Variants in CSMD1 observed in about 807,000 individuals in gnomAD.
CSMD1 encodes CUB and sushi domain-containing protein 1.
In CSMD1, 213 loss-of-function variants were observed where a neutral mutation model predicts 417.5. The observed-to-expected ratio is 0.51, with a 90% confidence interval of 0.46 to 0.57. The LOEUF is 0.57. Among genes scored for constraint, CSMD1 ranks in the 20% least tolerant of loss-of-function variants. The pLI is 0.00. For missense variants in CSMD1, 6,923 were observed against 4,529.7 expected (o/e 1.53, Z -15.17); for synonymous variants, 2,862 against 1,736.8 (o/e 1.65, Z -16.11).
At chr8:3,703,900 C>T (rs1252203084) in intron 7 of CSMD1, among the ~76,000 whole-genome samples, 1 of 152,062 alleles carries the variant, frequency 6.6e-6, no homozygotes, top group African/African-American at 2.4e-5. Context: ...GAAACCCCAT[C>T]TCTACTGAAA....
At chr8:3,248,344 A>G (rs759960555) in intron 26 of CSMD1, among the ~76,000 whole-genome samples, 20 of 151,996 alleles carry the variant, frequency 1.3e-4, no homozygotes, top group Non-Finnish European at 2.5e-4. Context: ...ACCCATGTTT[A>G]CTCTTAAAAT....
At position 4,200,104 on chromosome 8, in the gene CSMD1, G is replaced by C. The variant is rs190291608; in HGVS notation, c.416-168005C>G. ...TATATTTTTATGTAATAAGTTATTT[G>C]AGATTATAACAACTGAATGAGATTT... On this transcript the variant is annotated intron_variant, in intron 3 of 69. Coordinates refer to ENST00000635120, the MANE Select transcript of CSMD1 (RefSeq NM_033225.6). Among the ~76,000 whole-genome samples, 11 of 152,218 alleles carry C rather than the reference G, an allele frequency of 7.2e-5. No homozygotes were observed. The East Asian group carries it at 1.7e-3, about 24-fold the overall frequency.
chr8:4,025,575 G>C (rs913481045), intron 4 of CSMD1, among the ~76,000 whole-genome samples: 2 of 152,156 alleles, frequency 1.3e-5, no homozygotes, highest in Non-Finnish European at 2.9e-5. Context: ...CATCATGCCT[G>C]TAAGAAGTGA....
At chr8:4,104,550 G>C (rs903465099) in intron 3 of CSMD1, among the ~76,000 whole-genome samples, 6 of 149,592 alleles carry the variant, frequency 4.0e-5, no homozygotes, top group Admixed American at 3.3e-4. Context: ...ACTTTTCAAA[G>C]CCACTTTTCT....
chr8:4,484,688 C>G (rs1423401907), intron 2 of CSMD1, among the ~76,000 whole-genome samples: 1 of 148,212 alleles, frequency 6.7e-6, no homozygotes, highest in Non-Finnish European at 1.5e-5. Context: ...GAGGAAAAGT[C>G]ACCGGGCACG....
chr8:4,708,298 C>T (rs867920398), intron 1 of CSMD1, among the ~76,000 whole-genome samples: 6 of 152,154 alleles, frequency 3.9e-5, no homozygotes, highest in African/African-American at 1.4e-4. Context: ...TTGTCATTTA[C>T]ATAGACATGC....
chr8:3,343,299 T>C lies in CSMD1; in HGVS notation c.3626A>G (p.Tyr1209Cys), dbSNP rs1807780990. The change falls in exon 23 of 70, where the codon TAT (tyrosine) becomes TGT (cysteine). Residue 1209 changes from tyrosine to cysteine, a missense_variant. Coordinates refer to ENST00000635120, the MANE Select transcript of CSMD1 (RefSeq NM_033225.6). The stretch of plus-strand genomic sequence containing the variant: ...TTAAGTCGTATGTTACTTACTGGTA[T>C]AGGTGAGTTGAAAACCTTGGTCGGT... ...SDTDQGFQLTYTSFDLVKCED... is the reference protein window; with the variant it reads ...SDTDQGFQLTCTSFDLVKCED... 2.5e-6 allele frequency: 4 copies of C among 1,613,096 alleles called. No individual in the cohort carries two copies. Among genetic ancestry groups the C allele is most frequent in the African/African-American group, 1.3e-5 (1 of 74,900 alleles).
At chr8:3,826,068 T>C (rs1422486191) in intron 5 of CSMD1, among the ~76,000 whole-genome samples, 1 of 152,172 alleles carries the variant, frequency 6.6e-6, no homozygotes, top group African/African-American at 2.4e-5. Context: ...AGACATCTTT[T>C]GTAACACCCA....
intron 59 of CSMD1, among the ~76,000 whole-genome samples, chr8:2,964,593 T>C (rs1355983467): frequency 2.0e-5 from 3 of 152,262 alleles, no homozygotes; most frequent in Non-Finnish European, 4.4e-5. Context: ...CACAGAATTA[T>C]GCATGAAGCA....
chr8:4,465,602 G>A (rs368141008), intron 2 of CSMD1, among the ~76,000 whole-genome samples: 8 of 152,286 alleles, frequency 5.3e-5, no homozygotes, highest in East Asian at 1.9e-4. Flanking sequence ...GAAGTCAGAC[G>A]TTGAGGATTA....
chr8:4,058,689 C>A (rs1467439871), intron 3 of CSMD1, among the ~76,000 whole-genome samples: 3 of 139,566 alleles, frequency 2.1e-5, no homozygotes, highest in African/African-American at 7.9e-5. Flanking sequence ...TCAAAAGAGA[C>A]AAAGAAGGCC....
At chr8:3,352,348 C>A (rs552336630) in intron 21 of CSMD1, among the ~76,000 whole-genome samples, 3 of 152,246 alleles carry the variant, frequency 2.0e-5, no homozygotes, top group Admixed American at 1.3e-4. Flanking sequence ...AACAAAAACA[C>A]AGAAGGTATA....
intron 1 of CSMD1, among the ~76,000 whole-genome samples, chr8:4,739,248 C>G (rs1251663393): frequency 6.6e-6 from 1 of 152,176 alleles, no homozygotes; most frequent in Non-Finnish European, 1.5e-5. Context: ...AAGTTCAGCT[C>G]TGTAAATATA....
At chr8:3,133,274 C>T (rs1429455395) in intron 41 of CSMD1, among the ~76,000 whole-genome samples, 2 of 152,200 alleles carry the variant, frequency 1.3e-5, no homozygotes, top group Non-Finnish European at 2.9e-5. Context: ...CTGGGTCCCC[C>T]GCCTGCTCTT....
At chr8:3,197,683 C>A (rs1274115696) in intron 33 of CSMD1, among the ~76,000 whole-genome samples, 2 of 152,198 alleles carry the variant, frequency 1.3e-5, no homozygotes, top group South Asian at 4.1e-4. Flanking sequence ...CCAGGATGGT[C>A]TCGATCTCCT....
chr8:4,852,610 A>G (rs1801543242), intron 1 of CSMD1, among the ~76,000 whole-genome samples: 1 of 152,198 alleles, frequency 6.6e-6, no homozygotes, highest in African/African-American at 2.4e-5. Flanking sequence ...GTTGCTATAA[A>G]GATACTTGAA....
chr8:4,203,166 A>G (rs1227640702), intron 3 of CSMD1, among the ~76,000 whole-genome samples: 2 of 152,194 alleles, frequency 1.3e-5, no homozygotes, highest in Non-Finnish European at 2.9e-5. Flanking sequence ...TCAGAGGGAC[A>G]TGTCATTTAA....
chr8:4,822,634 A>T (rs1205204109), intron 1 of CSMD1, among the ~76,000 whole-genome samples: 2 of 152,228 alleles, frequency 1.3e-5, no homozygotes, highest in African/African-American at 2.4e-5. Context: ...TAGAAAACAA[A>T]AAAAGATACT....
chr8:3,577,462 G>A (rs1585398031), intron 9 of CSMD1, among the ~76,000 whole-genome samples: 1 of 151,970 alleles, frequency 6.6e-6, no homozygotes, highest in African/African-American at 2.4e-5. Flanking sequence ...ATAAAAAATT[G>A]TTTATTTTTT....
Sources: allele counts gnomAD v4.1 joint callset (sites outside exome capture counted in the v4.1 genomes callset), GRCh38; gene constraint gnomAD v4.1.1; transcripts MANE v1.5; gene names NCBI Gene and HGNC (gene_info 2026-07-23, HGNC 2026-07-21).